NRAP: variants seen among roughly 807,000 people sequenced by gnomAD.
The protein encoded by NRAP is nebulin related anchoring protein.
NRAP carries 189 observed loss-of-function variants against 225.9 expected under a neutral mutation model. The ratio of observed to expected loss-of-function variants is 0.84; its 90% CI spans 0.74 to 0.94. The LOEUF (loss-of-function observed/expected upper bound fraction) is 0.94, where lower values mean the gene tolerates loss of function less well. Among genes scored for constraint, NRAP ranks in the 40% least tolerant of loss-of-function variants. The pLI, the probability that NRAP is intolerant of heterozygous loss-of-function variation, is 0.00. For synonymous variants in NRAP, 769 were observed against 790.7 expected, an observed-to-expected ratio of 0.97 and a Z score of 0.46; for missense variants, 2,176 against 2,168.7, an observed-to-expected ratio of 1.00 and a Z score of -0.07.
intron 29 of NRAP, among the ~76,000 whole-genome samples, chr10:113,612,837 C>T (rs1481096522): frequency 1.3e-5 from 2 of 152,200 alleles, no homozygotes; most frequent in Admixed American, 6.5e-5. Context: ...AGGGATTCTC[C>T]TCTCACACTA....
intron 14 of NRAP, among the ~76,000 whole-genome samples, chr10:113,636,493 T>A (rs116459008): frequency 0.027 from 4,182 of 152,210 alleles, 207 homozygotes; most frequent in African/African-American, 0.096. Context: ...ACTAGCTGGG[T>A]ACAAGTCCAA....
Position 113,652,949 on chromosome 10 carries a change from G to A in NRAP, c.556C>T (p.Gln186Ter), listed in dbSNP as rs35049661. ...CAGGCACTCACTTGGCTGGCCAGCT[G>A]GTTGGCTTTCTTGGCCCTTTGATAA... ...PAYQRAKKANQLASQVEYKRG... is the reference protein window; with the variant it reads ...PAYQRAKKAN Residue 186 changes from glutamine to a stop codon, truncating the protein, a stop_gained, in exon 6 of 42, where the codon CAG (glutamine) becomes TAG (stop). Transcript: ENST00000359988. LOFTEE classifies it high-confidence loss of function. The A allele has an allele frequency of 7.4e-6, 12 of 1,612,060 alleles. No individual in the cohort carries two copies. Among genetic ancestry groups the A allele is most frequent in the Non-Finnish European group, 1.0e-5 (12 of 1,179,188 alleles).
intron 10 of NRAP, 84 bp downstream of exon 10, chr10:113,646,839 C>T: frequency 1.1e-6 from 1 of 903,004 alleles, no homozygotes; most frequent in Non-Finnish European, 1.9e-6. Flanking sequence ...ATAAATGTAT[C>T]TGTGTGTAGG....
rs3127106 is a variant in NRAP, at chr10:113,645,856, T to C, written c.1079A>G (p.Gln360Arg). Residue 360 changes from glutamine to arginine, a missense_variant, in exon 11 of 42, where the codon CAG becomes CGG. Gln to Arg is a conservative substitution (Grantham distance 43). This residue lies in a region of NRAP where 1,708 missense variants were observed against 1,695.5 expected (regional missense o/e 1.01). Transcript: ENST00000359988. Reference protein sequence around the residue: ...LPAQDNLVLKQAQSVNKLVSE... With the variant: ...LPAQDNLVLKRAQSVNKLVSE... ...CACGAGTTTGTTTACGCTCTGAGCCTGTTTGAGAACCAAGTTGTCTTGAGC... is the reference window on the plus strand; with the variant it reads ...CACGAGTTTGTTTACGCTCTGAGCCCGTTTGAGAACCAAGTTGTCTTGAGC... 990,250 of 1,596,822 alleles carry C rather than the reference T, an allele frequency of 0.62. 312,665 individuals are homozygous for C. The highest frequency in any genetic ancestry group is 0.73 in the East Asian group (32,431 of 44,648).
Position 113,650,474 on chromosome 10 carries a change from A to T in NRAP, c.747T>A (p.Tyr249Ter). ...GSFPAMITPA[Y>*]QIAKRANELA... ...GCTCATTGGCTCTTTTGGCTATCTG[A>T]TAGGCGGGTGTGATCATCGCAGGGA... Residue 249 changes from tyrosine (Y) to a stop codon, truncating the protein, a stop_gained, in exon 8 of 42, where the codon TAT becomes TAA. Coordinates refer to ENST00000359988, the MANE Select transcript of NRAP (RefSeq NM_198060.4). LOFTEE classifies it high-confidence loss of function. The T allele has an allele frequency of 6.2e-7, 1 of 1,613,858 alleles. No individual in the cohort carries two copies. The highest frequency in any genetic ancestry group is 8.5e-7 in the Non-Finnish European group (1 of 1,179,818).
At chr10:113,628,168 A>G (rs1848386194) in intron 20 of NRAP, among the ~76,000 whole-genome samples, 1 of 152,086 alleles carries the variant, frequency 6.6e-6, no homozygotes, top group Non-Finnish European at 1.5e-5. Context: ...TATCTGATCC[A>G]ACCTCTTCAT....
chr10:113,642,889 G>T, intron 12 of NRAP, 45 bp downstream of exon 12: 1 of 988,958 alleles, frequency 1.0e-6, no homozygotes, highest in Non-Finnish European at 1.6e-6. Flanking sequence ...TAAAGACTAA[G>T]CTCACCAACA....
chr10:113,658,645 C>T (rs1269783132), intron 3 of NRAP, among the ~76,000 whole-genome samples: 3 of 152,060 alleles, frequency 2.0e-5, no homozygotes, highest in Non-Finnish European at 4.4e-5. Flanking sequence ...ATTTGGGAGG[C>T]CAAGGCAGGT....
chr10:113,608,463 T>C lies in NRAP; in HGVS notation c.3653A>G (p.Asp1218Gly). 1.2e-6 allele frequency: 2 copies of C among 1,613,808 alleles called. No homozygotes were observed. Among genetic ancestry groups the C allele is most frequent in the Non-Finnish European group, 1.7e-6 (2 of 1,179,720 alleles). The change falls in exon 32 of 42, where the codon GAC becomes GGC. Residue 1218 changes from aspartate (D) to glycine (G), a missense_variant. Physicochemically the swap from Asp to Gly is moderately conservative, Grantham distance 94. This residue lies in a region of NRAP where 1,708 missense variants were observed against 1,695.5 expected (regional missense o/e 1.01). Transcript: ENST00000359988. The part of the protein sequence containing the change: ...PHSFKYTAVT[D>G]TPNLLHAKFS... ...TTTCGCATGAAGGAGGTTGGGAGTG[T>C]CTGTCACAGCTGTGTACTTGAATGA...
chr10:113,633,773 T>G (rs1848704013), intron 15 of NRAP, among the ~76,000 whole-genome samples: 1 of 152,218 alleles, frequency 6.6e-6, no homozygotes, highest in African/African-American at 2.4e-5. Flanking sequence ...ACTGAAATAT[T>G]TACAGATTAC....
intron 9 of NRAP, among the ~76,000 whole-genome samples, chr10:113,647,451 C>T (rs147541271): frequency 0.065 from 9,395 of 143,874 alleles, 319 homozygotes; most frequent in South Asian, 0.14. Context: ...CTGTCTCCCC[C>T]GGTGGTACTG....
intron 10 of NRAP, 88 bp downstream of exon 10, chr10:113,646,835 G>A (rs1182540907): frequency 3.4e-6 from 3 of 884,390 alleles, no homozygotes; most frequent in Non-Finnish European, 5.8e-6. Context: ...TATAATAAAT[G>A]TATCTGTGTG....
intron 35 of NRAP, among the ~76,000 whole-genome samples, chr10:113,602,639 TTAA>T (rs1176611750): frequency 6.6e-6 from 1 of 152,216 alleles, no homozygotes; most frequent in African/African-American, 2.4e-5. Context: ...ATTACTGCAA[TTAA>T]TAATAATTGA....
intron 12 of NRAP, among the ~76,000 whole-genome samples, chr10:113,642,054 T>C (rs11196402): frequency 0.27 from 40,628 of 152,020 alleles, 6,041 homozygotes; most frequent in East Asian, 0.44. Context: ...AATAGGAAAT[T>C]TGGGGTATTA....
intron 35 of NRAP, among the ~76,000 whole-genome samples, chr10:113,600,380 A>G (rs116091737): frequency 6.6e-6 from 1 of 151,914 alleles, no homozygotes; most frequent in Non-Finnish European, 1.5e-5. Context: ...GAGTCTCCCT[A>G]TGTTGCCCAA....
At chr10:113,644,144 T>C (rs1328340466) in intron 11 of NRAP, among the ~76,000 whole-genome samples, 24 of 3,560 alleles carry the variant, frequency 6.7e-3, no homozygotes, top group South Asian at 0.031. Context: ...TGAAACTCCC[T>C]CTCAAAAAAA....
At chr10:113,619,874 C>T (rs1196717656) in intron 25 of NRAP, among the ~76,000 whole-genome samples, 1 of 152,190 alleles carries the variant, frequency 6.6e-6, no homozygotes, top group Non-Finnish European at 1.5e-5. Context: ...GACAATTCTG[C>T]TTCCTGGGGG....
intron 40 of NRAP, 59 bp downstream of exon 40, chr10:113,590,519 A>G (rs1198249325): frequency 2.0e-6 from 3 of 1,533,820 alleles, no homozygotes; most frequent in Non-Finnish European, 2.7e-6. Context: ...CATTATGGCC[A>G]TCTCTTAGGA....
At chr10:113,649,376 C>T (rs1849795633) in intron 9 of NRAP, among the ~76,000 whole-genome samples, 1 of 152,216 alleles carries the variant, frequency 6.6e-6, no homozygotes, top group African/African-American at 2.4e-5. Flanking sequence ...TTCCAATACA[C>T]ACACTTGCTC....
Sources: allele counts gnomAD v4.1 joint callset (sites outside exome capture counted in the v4.1 genomes callset), GRCh38; gene constraint gnomAD v4.1.1; regional missense constraint gnomAD v4.1.1; transcripts MANE v1.5; gene names NCBI Gene and HGNC (gene_info 2026-07-23, HGNC 2026-07-21).